The following MNAT1 variants were observed in gnomAD, a reference collection of about 807,000 sequenced individuals.
MNAT1 encodes the protein MNAT1 component of CDK activating kinase, also known as CDK-activating kinase assembly factor MAT1.
MNAT1 carries 43 observed loss-of-function variants against 42.0 expected under a neutral mutation model. The ratio of observed to expected loss-of-function variants is 1.02; its 90% CI spans 0.80 to 1.32. The LOEUF (loss-of-function observed/expected upper bound fraction) is 1.32, where lower values mean the gene tolerates loss of function less well. Among genes scored for constraint, MNAT1 ranks in the 40% most tolerant of loss-of-function variants. MNAT1 has a pLI of 0.00. For synonymous variants in MNAT1, 118 were observed against 120.0 expected, an observed-to-expected ratio of 0.98 and a Z score of 0.11; for missense variants, 306 against 350.4, an observed-to-expected ratio of 0.87 and a Z score of 1.01.
intron 7 of MNAT1, among the ~76,000 whole-genome samples, chr14:60,898,464 G>A (rs1353823284): frequency 6.6e-6 from 1 of 152,044 alleles, no homozygotes; most frequent in Non-Finnish European, 1.5e-5. Context: ...GCTAACTGGG[G>A]TAAGATGCTA....
intron 6 of MNAT1, among the ~76,000 whole-genome samples, chr14:60,839,211 T>C (rs1267084197): frequency 1.3e-5 from 2 of 152,290 alleles, no homozygotes; most frequent in Admixed American, 1.3e-4. Context: ...CTGTGCTCTT[T>C]ATGAGCCTGC....
intron 7 of MNAT1, among the ~76,000 whole-genome samples, chr14:60,916,270 C>CT (rs2139540361): frequency 6.6e-6 from 1 of 152,240 alleles, no homozygotes; most frequent in East Asian, 1.9e-4. Context: ...TATTGAAGAG[C>CT]TGTATTATCA....
intron 7 of MNAT1, among the ~76,000 whole-genome samples, chr14:60,903,936 A>C (rs2035134859): frequency 6.7e-6 from 1 of 149,800 alleles, no homozygotes; most frequent in African/African-American, 2.5e-5. Flanking sequence ...CAGTGGCACA[A>C]TCTTGGCCTA....
At chr14:60,956,577 A>G (rs546482735) in intron 7 of MNAT1, among the ~76,000 whole-genome samples, 51 of 152,292 alleles carry the variant, frequency 3.3e-4, no homozygotes, top group Non-Finnish European at 5.0e-4. Context: ...TGGATTATCT[A>G]TCCATTGTTC....
At chr14:60,911,563 G>C (rs1463449598) in intron 7 of MNAT1, among the ~76,000 whole-genome samples, 1 of 152,072 alleles carries the variant, frequency 6.6e-6, no homozygotes, top group African/African-American at 2.4e-5. Context: ...CTTTATTTCT[G>C]CCTTCATTTC....
At chr14:60,913,454 G>T (rs913161831) in intron 7 of MNAT1, among the ~76,000 whole-genome samples, 5 of 151,964 alleles carry the variant, frequency 3.3e-5, no homozygotes, top group Non-Finnish European at 7.4e-5. Flanking sequence ...CCATCTTTGT[G>T]GTTTTATCTA....
intron 6 of MNAT1, among the ~76,000 whole-genome samples, chr14:60,828,709 A>T (rs772257549): frequency 3.9e-5 from 6 of 152,148 alleles, no homozygotes; most frequent in Non-Finnish European, 7.4e-5. Flanking sequence ...TCAGACATCA[A>T]TCGAAAGCTC....
intron 5 of MNAT1, among the ~76,000 whole-genome samples, chr14:60,813,319 A>T (rs1031404193): frequency 7.9e-5 from 12 of 152,116 alleles, no homozygotes; most frequent in African/African-American, 2.7e-4. Context: ...GCGCTGACTC[A>T]CCCACGTGCT....
chr14:60,911,577 G>A (rs1006242951), intron 7 of MNAT1, among the ~76,000 whole-genome samples: 4 of 152,002 alleles, frequency 2.6e-5, no homozygotes, highest in Admixed American at 2.6e-4. Flanking sequence ...TCATTTCATT[G>A]TGTACCCAGT....
At chr14:60,801,764 T>C (rs2032208697) in intron 3 of MNAT1, among the ~76,000 whole-genome samples, 1 of 152,200 alleles carries the variant, frequency 6.6e-6, no homozygotes, top group Admixed American at 6.5e-5. Flanking sequence ...GAGAACAGTA[T>C]GGAAGTTCCT....
At chr14:60,918,196 T>C (rs12892048) in intron 7 of MNAT1, among the ~76,000 whole-genome samples, 1 of 117,822 alleles carries the variant, frequency 8.5e-6, no homozygotes, top group African/African-American at 3.0e-5. Context: ...CAATTAATTG[T>C]TCTTTTTTTT....
intron 1 of MNAT1, among the ~76,000 whole-genome samples, chr14:60,774,296 G>A (rs967996602): frequency 6.6e-6 from 1 of 152,188 alleles, no homozygotes; most frequent in African/African-American, 2.4e-5. Flanking sequence ...AGAATGTATG[G>A]CTGAGAAGAC....
At chr14:60,798,559 G>A (rs2032095809) in intron 3 of MNAT1, among the ~76,000 whole-genome samples, 3 of 152,094 alleles carry the variant, frequency 2.0e-5, no homozygotes, top group African/African-American at 7.2e-5. Context: ...CATTATTTGT[G>A]CTTCTGTGGA....
intron 1 of MNAT1, among the ~76,000 whole-genome samples, chr14:60,793,007 ACTT>A (rs537828943): frequency 6.9e-4 from 103 of 149,700 alleles, no homozygotes; most frequent in African/African-American, 2.0e-3. Context: ...ATCAACTACT[ACTT>A]CTTCTTCTTC....
At chr14:60,947,608 G>T (rs1013861818) in intron 7 of MNAT1, among the ~76,000 whole-genome samples, 7 of 152,046 alleles carry the variant, frequency 4.6e-5, no homozygotes, top group Non-Finnish European at 8.8e-5. Context: ...GCTTGAACCC[G>T]GGAGGCAGAG....
intron 1 of MNAT1, among the ~76,000 whole-genome samples, chr14:60,746,385 C>A (rs1030783514): frequency 6.6e-5 from 10 of 151,736 alleles, no homozygotes; most frequent in African/African-American, 2.4e-4. Context: ...CGTGGTGGGT[C>A]ATGCCTGTAA....
At position 60,803,137 on chromosome 14, in the gene MNAT1, A is replaced by G. The variant is rs536035633; in HGVS notation, c.316+4977A>G. Among the ~76,000 whole-genome samples the G allele has an allele frequency of 1.1e-4, 16 of 151,808 alleles. No individual in the cohort carries two copies. The South Asian group carries it at 2.3e-3, about 22-fold the overall frequency. ...TTTTTAGTAGAAACGGGATTTCACCATCTTGGCCAGGCTGATCTTGAACTC... is the reference window on the plus strand; with the variant it reads ...TTTTTAGTAGAAACGGGATTTCACCGTCTTGGCCAGGCTGATCTTGAACTC... On this transcript the variant is annotated intron_variant, in intron 3 of 7. Transcript: ENST00000261245.
chr14:60,834,923 CCCTTCCTTCCTTCCTTCCTTCCTTCCTT>C (rs35945471), intron 6 of MNAT1, among the ~76,000 whole-genome samples: 1 of 93,890 alleles, frequency 1.1e-5, no homozygotes, highest in African/African-American at 4.5e-5. Context: ...TTATGTAGTG[CCCTTCCTTCCTTCCTTCCTTCCTTCCTT>C]CCTTCCTTCC....
At chr14:60,910,644 T>C (rs1594861067) in intron 7 of MNAT1, among the ~76,000 whole-genome samples, 1 of 152,386 alleles carries the variant, frequency 6.6e-6, no homozygotes, top group East Asian at 1.9e-4. Flanking sequence ...TTTGTGTATG[T>C]TGAACCAGCC....
Sources: gnomAD v4.1 joint callset for allele counts (sites outside exome capture counted in the v4.1 genomes callset) on GRCh38, gnomAD v4.1.1 for gene constraint, MANE v1.5 for transcripts, NCBI Gene and HGNC (gene_info 2026-07-23, HGNC 2026-07-21) for gene names.